WASHC3: variants seen among roughly 807,000 people sequenced by gnomAD.
The protein encoded by WASHC3 is WASH complex subunit 3, also known as WASH complex subunit CCDC53.
WASHC3 carries 24 observed loss-of-function variants against 26.1 expected under a neutral mutation model. That is an observed-to-expected ratio of 0.92 (90% CI 0.66 to 1.29). The LOEUF is 1.29. Ranked by LOEUF, WASHC3 falls within the 50% of genes most tolerant of loss-of-function variation. WASHC3 has a pLI of 0.00. For synonymous variants in WASHC3, 77 were observed against 75.7 expected (o/e 1.02, Z -0.09); for missense variants, 214 against 229.6 (o/e 0.93, Z 0.44).
In WASHC3 at chr12:102,022,869, A is replaced by G. The variant is rs1165237971; in HGVS notation, c.500+3105T>C. Among the ~76,000 whole-genome samples, 5 of 152,182 alleles carry G rather than the reference A, an allele frequency of 3.3e-5. 1 individual carries two copies. The East Asian group carries it at 9.6e-4, about 29-fold the overall frequency. On this transcript the variant is annotated intron_variant, in intron 6 of 6. Coordinates refer to ENST00000240079, the MANE Select transcript of WASHC3 (RefSeq NM_016053.4). ...ATACCCATTCTATATTTCTGAATGTATTAACCTTTGGCCAAAGACCAATTA... is the reference window on the plus strand; with the variant it reads ...ATACCCATTCTATATTTCTGAATGTGTTAACCTTTGGCCAAAGACCAATTA...
intron 6 of WASHC3, among the ~76,000 whole-genome samples, chr12:102,016,713 G>A (rs2121317590): frequency 6.6e-6 from 1 of 152,228 alleles, no homozygotes; most frequent in East Asian, 1.9e-4. Context: ...ACATGACTAG[G>A]CCTTGTATGT....
At chr12:102,051,920 C>T (rs1878408331) in intron 2 of WASHC3, among the ~76,000 whole-genome samples, 1 of 152,162 alleles carries the variant, frequency 6.6e-6, no homozygotes, top group Non-Finnish European at 1.5e-5. Context: ...ATTGAGCAGT[C>T]TCCAGCTGAC....
intron 5 of WASHC3, among the ~76,000 whole-genome samples, chr12:102,026,765 C>G (rs932020402): frequency 6.6e-6 from 1 of 152,190 alleles, no homozygotes; most frequent in Non-Finnish European, 1.5e-5. Flanking sequence ...TGGTGAAGCT[C>G]TAAGGGGAGA....
intron 2 of WASHC3, among the ~76,000 whole-genome samples, chr12:102,051,860 T>A (rs1286996288): frequency 6.6e-6 from 1 of 152,266 alleles, no homozygotes; most frequent in Admixed American, 6.5e-5. Flanking sequence ...AAGCACTTAG[T>A]ATGATGCCCA....
chr12:102,024,504 A>G (rs1594350877), intron 6 of WASHC3, among the ~76,000 whole-genome samples: 2 of 152,228 alleles, frequency 1.3e-5, no homozygotes, highest in Non-Finnish European at 2.9e-5. Context: ...AGACAGAATC[A>G]AGGATGATTA....
chr12:102,059,324 T>A, intron 2 of WASHC3, among the ~76,000 whole-genome samples: 1 of 152,174 alleles, frequency 6.6e-6, no homozygotes, highest in South Asian at 2.1e-4. Context: ...TTTTTACCTG[T>A]CAATTTAAAT....
chr12:102,018,895 C>T (rs1276278220), intron 6 of WASHC3, among the ~76,000 whole-genome samples: 4 of 152,166 alleles, frequency 2.6e-5, no homozygotes, highest in African/African-American at 9.7e-5. Flanking sequence ...CTCCCAGGTT[C>T]AAGCAATTCT....
intron 1 of WASHC3, among the ~76,000 whole-genome samples, chr12:102,061,669 A>G (rs34555394): frequency 0.044 from 6,649 of 152,306 alleles, 199 homozygotes; most frequent in South Asian, 0.085. Context: ...CGCCGGCGGC[A>G]GAGAGACAAG....
In WASHC3 at chr12:102,035,937, G is replaced by A. The variant is rs181015316; in HGVS notation, c.435+3931C>T. ...TAGAATCTGGAATGATTTAGTGGAC[G>A]CAATCGTAGGAGCATGTTAGATAAC... is the stretch of plus-strand genomic sequence containing the variant. On this transcript the variant is annotated intron_variant, in intron 5 of 6. Coordinates refer to ENST00000240079, the MANE Select transcript of WASHC3 (RefSeq NM_016053.4). Among the ~76,000 whole-genome samples the A allele has an allele frequency of 7.3e-3, 1,105 of 152,262 alleles. 8 individuals are homozygous for A. Among genetic ancestry groups the A allele is most frequent in the Middle Eastern group, 0.014 (4 of 294 alleles).
At chr12:102,031,925 G>T (rs1877455436) in intron 5 of WASHC3, among the ~76,000 whole-genome samples, 2 of 152,126 alleles carry the variant, frequency 1.3e-5, no homozygotes, top group Admixed American at 6.6e-5. Flanking sequence ...GTTGATCACT[G>T]ATGAGGAAAC....
intron 6 of WASHC3, among the ~76,000 whole-genome samples, chr12:102,025,685 G>GAAAAAAAAAAAAAAAAAA (rs771948063): frequency 1.4e-5 from 1 of 74,016 alleles, no homozygotes; most frequent in Non-Finnish European, 2.8e-5. Flanking sequence ...GCACAAAAAG[G>GAAAAAAAAAAAAAAAAAA]AAAAAAAAAA....
intron 5 of WASHC3, among the ~76,000 whole-genome samples, chr12:102,030,008 T>C (rs1260213632): frequency 6.6e-6 from 1 of 152,108 alleles, no homozygotes; most frequent in African/African-American, 2.4e-5. Flanking sequence ...AAAAATACTT[T>C]ACTGAGGCCG....
chr12:102,052,455 C>T (rs893717498), intron 2 of WASHC3, among the ~76,000 whole-genome samples: 2 of 152,160 alleles, frequency 1.3e-5, no homozygotes, highest in Admixed American at 6.5e-5. Flanking sequence ...AGGCTTGTCC[C>T]ACTGGGACCG....
chr12:102,052,094 C>T (rs1045727756), intron 2 of WASHC3, among the ~76,000 whole-genome samples: 67 of 152,272 alleles, frequency 4.4e-4, no homozygotes, highest in African/African-American at 1.6e-3. Context: ...AAACTATTCA[C>T]GCACGAAAAT....
At chr12:102,024,814 T>A (rs1213855638) in intron 6 of WASHC3, among the ~76,000 whole-genome samples, 2 of 152,178 alleles carry the variant, frequency 1.3e-5, no homozygotes, top group East Asian at 3.8e-4. Context: ...AATACCAAAA[T>A]GGATTGAACC....
intron 6 of WASHC3, among the ~76,000 whole-genome samples, chr12:102,018,098 A>T (rs1876787932): frequency 6.6e-6 from 1 of 152,244 alleles, no homozygotes; most frequent in Non-Finnish European, 1.5e-5. Context: ...CATTTAGTAC[A>T]ATGTCCTAAA....
In WASHC3 at chr12:102,012,898, C is replaced by T. The variant is rs1876537198; in HGVS notation, c.*210G>A. The T allele has an allele frequency of 2.4e-6, 1 of 421,518 alleles. No homozygotes were observed. The allele number at this position is 421,518 out of a possible 1,614,324, so 26.1% of individuals were successfully genotyped here. On this transcript the variant is annotated 3_prime_UTR_variant, in exon 7 of 7. Transcript: ENST00000240079. ...CTAATTGTACTTTATTTAGGTTATC[C>T]TATTTTTCATTTTGAGGCCCTTTAT...
rs142070563 is a variant in WASHC3 at position 102,045,207 on chromosome 12, C to G, written c.216+847G>C. Among the ~76,000 whole-genome samples, 340 of 152,114 alleles carry G rather than the reference C, an allele frequency of 2.2e-3. 3 individuals are homozygous for G. Among genetic ancestry groups the G allele is most frequent in the African/African-American group, 7.6e-3 (315 of 41,512 alleles). The stretch of plus-strand genomic sequence containing the variant: ...ACAGTGGCTATGGCCCAAATAGTTT[C>G]AAGTGGGTATGGCTGCTAGAGGACT... On this transcript the variant is annotated intron_variant, in intron 3 of 6. Transcript: ENST00000240079.
chr12:102,056,058 A>G (rs528478525), intron 2 of WASHC3, among the ~76,000 whole-genome samples: 1 of 152,318 alleles, frequency 6.6e-6, no homozygotes, highest in African/African-American at 2.4e-5. Flanking sequence ...GCTATTTCAC[A>G]ACTATGTAAG....
Sources: allele counts gnomAD v4.1 joint callset (sites outside exome capture counted in the v4.1 genomes callset), GRCh38; gene constraint gnomAD v4.1.1; transcripts MANE v1.5; gene names NCBI Gene and HGNC (gene_info 2026-07-23, HGNC 2026-07-21).